Variants in FAM234A observed in about 807,000 individuals in gnomAD.
The protein encoded by FAM234A is family with sequence similarity 234 member A, also known as protein FAM234A.
FAM234A carries 42 observed loss-of-function variants against 49.1 expected under a neutral mutation model. That is an observed-to-expected ratio of 0.86 (90% CI 0.67 to 1.11). The LOEUF is 1.11. FAM234A is among the 50% of genes least tolerant of loss of function. The probability of loss-of-function intolerance (pLI) is 0.00; values close to 1 mark genes in which losing one functional copy is unlikely to be tolerated. For missense variants in FAM234A, 815 were observed against 745.2 expected, an observed-to-expected ratio of 1.09 and a Z score of -1.09; for synonymous variants, 369 against 316.2, an observed-to-expected ratio of 1.17 and a Z score of -1.77.
rs563828957 is a variant in FAM234A, at chr16:263,508, C to T, written c.1112+106C>T. ...ACAGCGCTGGGGGTGGGGCCGGAGG[C>T]CGTGTGCTGCTGCCCGGGCTTCTTG... On this transcript the variant is annotated intron_variant, in intron 9 of 12. Transcript: ENST00000399932. The T allele has an allele frequency of 2.0e-6, 3 of 1,474,094 alleles. No individual in the cohort carries two copies. The Admixed American group carries it at 5.7e-5, about 28-fold the overall frequency. 91.3% of individuals were successfully genotyped at this position (1,474,094 alleles called of 1,614,324 possible). A position where few individuals can be genotyped will look rare whatever the true frequency, so the allele number is the denominator to read the frequency against.
intron 1 of FAM234A, among the ~76,000 whole-genome samples, chr16:241,127 C>T (rs773081988): frequency 2.8e-4 from 43 of 151,888 alleles, no homozygotes; most frequent in African/African-American, 9.7e-4. Flanking sequence ...TGTCATGTTG[C>T]CCAGGCTGGT....
chr16:262,215 C>A lies in FAM234A; in HGVS notation c.831C>A (p.Leu277=). The A allele has an allele frequency of 6.2e-7, 1 of 1,614,002 alleles. No homozygotes were observed. The highest frequency in any genetic ancestry group is 1.3e-5 in the African/African-American group (1 of 75,076). The change falls in exon 7 of 13, where the codon CTC becomes CTA. Residue 277 remains leucine (L), a synonymous_variant. Coordinates refer to ENST00000399932, the MANE Select transcript of FAM234A (RefSeq NM_032039.4). Reference sequence around the variant, plus strand: ...CCAGGACAGGTGCCCACTACATCCTCTTTCCCTGCGGTACGTTGTTTCTGC... The same window carrying A: ...CCAGGACAGGTGCCCACTACATCCTATTTCCCTGCGGTACGTTGTTTCTGC... The part of the protein sequence containing the change: ...HVTRTGAHYI[L]FPCASSLCGC...
chr16:245,210 G>A (rs963879103), intron 1 of FAM234A, among the ~76,000 whole-genome samples: 6 of 151,982 alleles, frequency 3.9e-5, no homozygotes, highest in Non-Finnish European at 7.4e-5. Flanking sequence ...TGCCCGGCGC[G>A]GTGATGCACA....
chr16:266,762 T>C (rs1481263012), downstream of FAM234A, among the ~76,000 whole-genome samples: 3 of 146,170 alleles, frequency 2.1e-5, no homozygotes, highest in Non-Finnish European at 4.6e-5. Flanking sequence ...CCAGAAGGCC[T>C]TGGGTATGAA....
At chr16:238,137 G>T (rs2142191724) in intron 1 of FAM234A, among the ~76,000 whole-genome samples, 1 of 152,234 alleles carries the variant, frequency 6.6e-6, no homozygotes, top group South Asian at 2.1e-4. Flanking sequence ...TCCTGCCTCA[G>T]CCTCCTGAGT....
At chr16:261,616 C>G in intron 6 of FAM234A, 102 bp downstream of exon 6, 2 of 1,402,220 alleles carry the variant, frequency 1.4e-6, no homozygotes, top group South Asian at 2.7e-5. Context: ...GGATTCGGGT[C>G]TGACCACTTG....
At chr16:253,290 C>T (rs1280113002) in intron 2 of FAM234A, among the ~76,000 whole-genome samples, 2 of 152,106 alleles carry the variant, frequency 1.3e-5, no homozygotes, top group Non-Finnish European at 2.9e-5. Context: ...AGAAGTTACT[C>T]CCAGCACCGA....
At chr16:264,764 C>G (rs1389286887) in intron 12 of FAM234A, 47 bp from the exon 13 acceptor site, 8 of 1,607,324 alleles carry the variant, frequency 5.0e-6, no homozygotes, top group Non-Finnish European at 6.8e-6. Flanking sequence ...GGGGTCTGCC[C>G]TGGCTGGTCC....
intron 1 of FAM234A, among the ~76,000 whole-genome samples, chr16:245,167 C>G (rs1052241693): frequency 6.6e-6 from 1 of 151,766 alleles, no homozygotes. Context: ...GGCAACGTGG[C>G]GAAACTCTGT....
intron 1 of FAM234A, among the ~76,000 whole-genome samples, chr16:236,954 CTCTT>C (rs2050426542): frequency 2.0e-5 from 3 of 151,634 alleles, no homozygotes; most frequent in African/African-American, 7.3e-5. Flanking sequence ...GATGGGGTCT[CTCTT>C]TCTCAGTCTG....
chr16:235,118 G>C (rs35021117), intron 1 of FAM234A, among the ~76,000 whole-genome samples: 1 of 152,244 alleles, frequency 6.6e-6, no homozygotes, highest in East Asian at 1.9e-4. Flanking sequence ...CGCAGCCTGG[G>C]TTTCAGTGGC....
downstream of FAM234A, among the ~76,000 whole-genome samples, chr16:267,457 C>T (rs1321875247): frequency 2.0e-5 from 3 of 152,018 alleles, no homozygotes; most frequent in African/African-American, 7.3e-5. Context: ...TACATTCACA[C>T]ATATGTACTA....
At chr16:263,223 C>A in intron 8 of FAM234A, 39 bp from the exon 9 acceptor site, 1 of 1,601,466 alleles carries the variant, frequency 6.2e-7, no homozygotes, top group Non-Finnish European at 8.5e-7. Flanking sequence ...GAGGCCGCCC[C>A]GGGGACCCGG....
chr16:260,297 G>C, intron 5 of FAM234A, 137 bp downstream of exon 5: 1 of 801,358 alleles, frequency 1.2e-6, no homozygotes, highest in African/African-American at 1.7e-5. Context: ...GGAAGGTTAT[G>C]GGGAGAACCT....
chr16:235,982 G>A (rs564632208), intron 1 of FAM234A, among the ~76,000 whole-genome samples: 3 of 151,232 alleles, frequency 2.0e-5, no homozygotes, highest in South Asian at 4.2e-4. Context: ...GTGAAATCCC[G>A]TCTCTACTAA....
Position 254,041 on chromosome 16 carries a change from G to A in FAM234A, c.-33-340G>A, listed in dbSNP as rs73484397. 3 of 273,976 alleles carry A rather than the reference G, an allele frequency of 1.1e-5. No individual in the cohort carries two copies. In the East Asian group the frequency reaches 3.1e-4, roughly 28 times the overall value. 17.0% of individuals were successfully genotyped at this position (273,976 alleles called of 1,614,324 possible). On this transcript the variant is annotated intron_variant, in intron 2 of 12. Coordinates refer to ENST00000399932, the MANE Select transcript of FAM234A (RefSeq NM_032039.4). ...GGAAGGTGGCTCAGATATGCTCAGA[G>A]GCTGAGTAGGTGGGGCTTAGTTAAC...
In FAM234A at chr16:259,517, C is replaced by T. The variant is rs56824153; in HGVS notation, c.303C>T (p.Asn101=). 1.5e-3 allele frequency: 2,420 copies of T among 1,610,984 alleles called. 39 individuals are homozygous for T. The African/African-American group carries it at 0.027, about 18-fold the overall frequency. ...ACTTTCTGGCTGTGGATGATATAAA[C>T]GGGGACAGGATCCAAGATGTTCTTT... ...IYDFLAVDDI[N]GDRIQDVLFL... is the part of the protein sequence containing the mutation. The change falls in exon 4 of 13, where the codon AAC becomes AAT. Residue 101 remains asparagine (N), a synonymous_variant. Transcript: ENST00000399932.
intron 2 of FAM234A, among the ~76,000 whole-genome samples, chr16:250,931 A>G (rs1043475946): frequency 1.3e-5 from 2 of 152,210 alleles, no homozygotes; most frequent in Admixed American, 1.3e-4. Context: ...TGGATAGGCC[A>G]CATTTTGTTT....
intron 10 of FAM234A, 72 bp from the exon 11 acceptor site, chr16:263,944 G>GT: frequency 6.6e-7 from 1 of 1,525,762 alleles, no homozygotes; most frequent in Non-Finnish European, 9.0e-7. Flanking sequence ...GAGGGCACGT[G>GT]TGCCTGTGCA....
Sources: gnomAD v4.1 joint callset for allele counts (sites outside exome capture counted in the v4.1 genomes callset) on GRCh38, gnomAD v4.1.1 for gene constraint, MANE v1.5 for transcripts, NCBI Gene and HGNC (gene_info 2026-07-23, HGNC 2026-07-21) for gene names.